CDH1: variants seen among roughly 807,000 people sequenced by gnomAD.
The protein encoded by CDH1 is cadherin 1, also known as cadherin-1.
Under a neutral mutation model 84.5 loss-of-function variants are expected in CDH1, and 35 were observed. That is an observed-to-expected ratio of 0.41 (90% CI 0.32 to 0.55). The LOEUF (loss-of-function observed/expected upper bound fraction) is 0.55, where lower values mean the gene tolerates loss of function less well. Ranked by LOEUF, CDH1 falls within the 20% of genes least tolerant of loss-of-function variation. The pLI is 0.19. For synonymous variants in CDH1, 417 were observed against 439.0 expected, an observed-to-expected ratio of 0.95 and a Z score of 0.63; for missense variants, 994 against 1,126.6, an observed-to-expected ratio of 0.88 and a Z score of 1.68.
intron 5 of CDH1, among the ~76,000 whole-genome samples, chr16:68,809,928 G>A (rs1009065623): frequency 1.3e-5 from 2 of 152,216 alleles, no homozygotes; most frequent in African/African-American, 2.4e-5. Context: ...TTTCAGGCCC[G>A]CATCTTCATC....
intron 2 of CDH1, among the ~76,000 whole-genome samples, chr16:68,796,023 C>T (rs982042487): frequency 6.6e-6 from 1 of 151,554 alleles, no homozygotes; most frequent in East Asian, 2.0e-4. Context: ...ATTAGCCGGG[C>T]GTGGTGGCAG....
chr16:68,819,175 A>C, intron 10 of CDH1, 105 bp from the exon 11 acceptor site: 9 of 1,342,712 alleles, frequency 6.7e-6, no homozygotes, highest in Non-Finnish European at 9.6e-6. Flanking sequence ...TTTTCAAAAT[A>C]AAAACGTTGG....
Position 68,750,045 on chromosome 16 carries a change from C to T in CDH1, c.163+11634C>T, listed in dbSNP as rs1270831969. Among the ~76,000 whole-genome samples, 5 of 151,540 alleles carry T rather than the reference C, an allele frequency of 3.3e-5. No homozygotes were observed. The South Asian group carries it at 1.0e-3, about 32-fold the overall frequency. ...GTGCAGTGGTTTGAACTCCTGGGCT[C>T]AAGCAATCCTCCCATCTTGGCCTCT... On this transcript the variant is annotated intron_variant, in intron 2 of 15. Coordinates refer to ENST00000261769, the MANE Select transcript of CDH1 (RefSeq NM_004360.5).
intron 2 of CDH1, among the ~76,000 whole-genome samples, chr16:68,757,339 C>T (rs1325013247): frequency 6.6e-6 from 1 of 152,154 alleles, no homozygotes; most frequent in South Asian, 2.1e-4. Flanking sequence ...CCTTGGCCTC[C>T]CAAAGTGCTG....
chr16:68,762,394 G>A (rs182689606), intron 2 of CDH1, among the ~76,000 whole-genome samples: 2 of 152,176 alleles, frequency 1.3e-5, no homozygotes, highest in African/African-American at 4.8e-5. Flanking sequence ...CCAGCATTAA[G>A]CCTGGCATGT....
intron 2 of CDH1, among the ~76,000 whole-genome samples, chr16:68,785,021 T>C (rs1447894894): frequency 6.6e-6 from 1 of 151,720 alleles, no homozygotes. Flanking sequence ...ATGGACACCA[T>C]TGAAAAAAAA....
intron 2 of CDH1, among the ~76,000 whole-genome samples, chr16:68,781,315 T>G (rs537922549): frequency 1.1e-4 from 17 of 152,180 alleles, no homozygotes; most frequent in Non-Finnish European, 2.2e-4. Flanking sequence ...GCAGCACTCA[T>G]TTTAACCCCT....
At chr16:68,768,956 T>C (rs933260168) in intron 2 of CDH1, among the ~76,000 whole-genome samples, 2 of 152,194 alleles carry the variant, frequency 1.3e-5, no homozygotes, top group African/African-American at 4.8e-5. Flanking sequence ...GCTTATCTCT[T>C]TCCAGTCTCT....
chr16:68,814,033 G>A (rs34103209), intron 9 of CDH1, among the ~76,000 whole-genome samples: 1,979 of 149,310 alleles, frequency 0.013, 51 homozygotes, highest in African/African-American at 0.046. Flanking sequence ...TCAAGAGATC[G>A]AGATCATCCT....
At chr16:68,792,839 G>A (rs750421715) in intron 2 of CDH1, among the ~76,000 whole-genome samples, 8 of 152,116 alleles carry the variant, frequency 5.3e-5, no homozygotes, top group Admixed American at 2.0e-4. Flanking sequence ...CTCCACCCCC[G>A]TCTGCTTTGA....
At chr16:68,754,993 A>G (rs763602796) in intron 2 of CDH1, among the ~76,000 whole-genome samples, 2 of 152,186 alleles carry the variant, frequency 1.3e-5, no homozygotes, top group Non-Finnish European at 2.9e-5. Context: ...AATAGATGTT[A>G]GAACTGGACT....
chr16:68,739,197 A>G (rs2152114773), intron 2 of CDH1, among the ~76,000 whole-genome samples: 1 of 151,908 alleles, frequency 6.6e-6, no homozygotes, highest in South Asian at 2.1e-4. Context: ...GGCGGATCAC[A>G]AGGTCAGGAG....
chr16:68,758,145 TG>T (rs1963065461), intron 2 of CDH1, among the ~76,000 whole-genome samples: 2 of 150,400 alleles, frequency 1.3e-5, no homozygotes, highest in Admixed American at 1.3e-4. Context: ...CAAATTTTTT[TG>T]TGTCCCTCCC....
Position 68,760,104 on chromosome 16 carries a change from AT to A in CDH1, c.163+21705del, listed in dbSNP as rs34055356. ...TATATATATTTTTTTTTTTTTTTTAATTTTTTTTTTTTGAGATGAAATCTTG... is the reference window on the plus strand; with the variant it reads ...TATATATATTTTTTTTTTTTTTTTAATTTTTTTTTTTGAGATGAAATCTTG... On this transcript the variant is annotated intron_variant, in intron 2 of 15. Transcript: ENST00000261769. Among the ~76,000 whole-genome samples, 359 of 113,640 alleles carry A rather than the reference AT, an allele frequency of 3.2e-3. 1 individual carries two copies. Among genetic ancestry groups the A allele is most frequent in the African/African-American group, 0.01 (321 of 31,682 alleles). 74.6% of individuals were successfully genotyped at this position (113,640 alleles called of 152,430 possible).
intron 2 of CDH1, among the ~76,000 whole-genome samples, chr16:68,767,998 C>T (rs1959438660): frequency 6.6e-6 from 1 of 151,944 alleles, no homozygotes; most frequent in South Asian, 2.1e-4. Flanking sequence ...TCTTGTTGCC[C>T]AGGCTGGAGT....
intron 9 of CDH1, 72 bp from the exon 10 acceptor site, chr16:68,815,443 A>C: frequency 6.3e-7 from 1 of 1,594,634 alleles, no homozygotes; most frequent in East Asian, 2.2e-5. Context: ...GCAACAGTTA[A>C]GGATTTAATT....
At chr16:68,828,783 A>T (rs1961399037) in intron 14 of CDH1, among the ~76,000 whole-genome samples, 1 of 152,096 alleles carries the variant, frequency 6.6e-6, no homozygotes, top group Admixed American at 6.6e-5. Flanking sequence ...TGATCTTAAC[A>T]TCTTACCCTG....
intron 2 of CDH1, among the ~76,000 whole-genome samples, chr16:68,759,417 G>T (rs1963102177): frequency 6.6e-6 from 1 of 151,484 alleles, no homozygotes; most frequent in Non-Finnish European, 1.5e-5. Context: ...GTTCATGTAT[G>T]ATCTTGTTTT....
chr16:68,801,936 C>A (rs746755728), intron 3 of CDH1, 43 bp downstream of exon 3: 1 of 1,488,560 alleles, frequency 6.7e-7, no homozygotes, highest in Non-Finnish European at 9.4e-7. Flanking sequence ...TGTTTTAGTG[C>A]GCTGTCTAAT....
Sources: gnomAD v4.1 joint callset for allele counts (sites outside exome capture counted in the v4.1 genomes callset) on GRCh38, gnomAD v4.1.1 for gene constraint, MANE v1.5 for transcripts, NCBI Gene and HGNC (gene_info 2026-07-23, HGNC 2026-07-21) for gene names.